Variants in ANKRD28 observed in about 807,000 individuals in gnomAD.
The protein encoded by ANKRD28 is serine/threonine-protein phosphatase 6 regulatory ankyrin repeat subunit A.
In ANKRD28, 44 loss-of-function variants were observed where a neutral mutation model predicts 126.5. The ratio of observed to expected loss-of-function variants is 0.35; its 90% CI spans 0.27 to 0.45. ANKRD28 has a LOEUF of 0.45. Ranked by LOEUF, ANKRD28 falls within the 20% of genes least tolerant of loss-of-function variation. The probability of loss-of-function intolerance (pLI) is 1.00; values close to 1 mark genes in which losing one functional copy is unlikely to be tolerated. For synonymous variants in ANKRD28, 442 were observed against 468.5 expected, an observed-to-expected ratio of 0.94 and a Z score of 0.73; for missense variants, 1,110 against 1,316.6, an observed-to-expected ratio of 0.84 and a Z score of 2.43.
chr3:15,701,047 A>C (rs1222854028), intron 14 of ANKRD28, among the ~76,000 whole-genome samples: 1 of 152,232 alleles, frequency 6.6e-6, no homozygotes, highest in African/African-American at 2.4e-5. Flanking sequence ...TTCTTTAATC[A>C]AATACTCCTT....
rs546198501 is a variant in ANKRD28 at position 15,711,219 on chromosome 3, T to G, written c.1329A>C (p.Ala443=). 1 of 1,612,166 alleles carries G rather than the reference T, an allele frequency of 6.2e-7. No homozygotes were observed. Among genetic ancestry groups the G allele is most frequent in the African/African-American group, 1.3e-5 (1 of 74,996 alleles). ...AAATACTATTAACATACCCTCCAGC[T>G]GCAGCTGCATGTAGACAAGTCCTGC... The part of the protein sequence containing the change: ...DFGRTCLHAA[A]AGGNLECLNL... The change falls in exon 12 of 28, where the codon GCA becomes GCC. Residue 443 remains alanine, a synonymous_variant. Transcript: ENST00000683139.
rs1293957319 is a variant in ANKRD28 at position 15,818,020 on chromosome 3, C to A, written c.28-22714G>T. On this transcript the variant is annotated intron_variant, in intron 1 of 27. Transcript: ENST00000399451. ...CCATTTATAATAATACCCCAAAACT[C>A]AAAAATACTAAGGTATAAATTCAAC... 2.0e-5 allele frequency among the ~76,000 whole-genome samples: 3 copies of A among 152,074 alleles called. No homozygotes were observed. The East Asian group carries it at 5.8e-4, about 29-fold the overall frequency.
At chr3:15,731,166 A>G (rs1031470420) in intron 6 of ANKRD28, among the ~76,000 whole-genome samples, 51 of 152,228 alleles carry the variant, frequency 3.4e-4, no homozygotes, top group African/African-American at 1.2e-3. Context: ...TTCAACCTCA[A>G]CTGAGATGCC....
At chr3:15,744,063 A>G (rs1326625471) in intron 4 of ANKRD28, among the ~76,000 whole-genome samples, 1 of 152,236 alleles carries the variant, frequency 6.6e-6, no homozygotes, top group Non-Finnish European at 1.5e-5. Flanking sequence ...TTTCTGTTAA[A>G]TGTAATAAGT....
chr3:15,823,458 T>C (rs933586999), intron 1 of ANKRD28, among the ~76,000 whole-genome samples: 1 of 152,226 alleles, frequency 6.6e-6, no homozygotes, highest in Non-Finnish European at 1.5e-5. Flanking sequence ...GCTTTGCTGA[T>C]GAAGTCTACC....
intron 1 of ANKRD28, among the ~76,000 whole-genome samples, chr3:15,855,368 C>A (rs933508452): frequency 6.6e-6 from 1 of 151,858 alleles, no homozygotes; most frequent in South Asian, 2.1e-4. Flanking sequence ...AAACCCAACA[C>A]CTTAAACATA....
At chr3:15,680,208 T>C (rs567585366) in intron 21 of ANKRD28, among the ~76,000 whole-genome samples, 3 of 148,204 alleles carry the variant, frequency 2.0e-5, no homozygotes, top group Admixed American at 2.0e-4. Context: ...ATATGAAATA[T>C]TATTATTATT....
At position 15,853,545 on chromosome 3, in the gene ANKRD28, C is replaced by T. The variant is rs1020350921; in HGVS notation, c.27+5832G>A. Among the ~76,000 whole-genome samples the T allele has an allele frequency of 6.6e-5, 10 of 152,136 alleles. No individual in the cohort carries two copies. The highest frequency in any genetic ancestry group is 1.3e-4 in the Non-Finnish European group (9 of 68,032). ...AGTGCAGTAGTACGATTCTGGCTCA[C>T]TGCAAGCTCCGCCTCCTGGGTTCAT... On this transcript the variant is annotated intron_variant, in intron 1 of 27. Coordinates refer to the ANKRD28 transcript ENST00000399451. This position sits in a 1 kb window ranked among gnomAD's most constrained non-coding sequence, Gnocchi z 4.2.
In ANKRD28 at chr3:15,827,184, C is replaced by T. The variant is rs1223744836; in HGVS notation, c.28-31878G>A. Among the ~76,000 whole-genome samples, 8 of 152,030 alleles carry T rather than the reference C, an allele frequency of 5.3e-5. No individual in the cohort carries two copies. The East Asian group carries it at 1.5e-3, about 29-fold the overall frequency. The stretch of plus-strand genomic sequence containing the variant: ...TGTTGGGGAGGAATGTAAATTAGTA[C>T]AGCCATTATGGAAAACAGTATGAAG... On this transcript the variant is annotated intron_variant, in intron 1 of 27. Coordinates refer to the ANKRD28 transcript ENST00000399451.
upstream of ANKRD28, among the ~76,000 whole-genome samples, chr3:15,802,866 T>C (rs2060491802): frequency 6.6e-6 from 1 of 152,190 alleles, no homozygotes. Flanking sequence ...CCAGTCTTTC[T>C]GCCAAGCTGA....
intron 1 of ANKRD28, among the ~76,000 whole-genome samples, chr3:15,850,568 T>C (rs866997235): frequency 6.6e-6 from 1 of 152,086 alleles, no homozygotes; most frequent in Non-Finnish European, 1.5e-5. Context: ...TGCCTCCATC[T>C]TTACATGGCC....
chr3:15,716,282 T>C lies in ANKRD28; in HGVS notation c.997-1626A>G, dbSNP rs933314837. ...CAGGCATGAGCCACCGCACCTGGAC[T>C]TTTTTTTTTTTTTTTTTTCCCTTAA... is the stretch of plus-strand genomic sequence containing the variant. On this transcript the variant is annotated intron_variant, in intron 8 of 27. Transcript: ENST00000683139. Among the ~76,000 whole-genome samples, 16 of 122,994 alleles carry C rather than the reference T, an allele frequency of 1.3e-4. No individual in the cohort carries two copies. The South Asian group carries it at 3.1e-3, about 24-fold the overall frequency. 80.7% of individuals were successfully genotyped at this position (122,994 alleles called of 152,430 possible). A position where few individuals can be genotyped will look rare whatever the true frequency, so the allele number is the denominator to read the frequency against.
At chr3:15,856,799 A>G (rs941199121) in intron 1 of ANKRD28, among the ~76,000 whole-genome samples, 1 of 152,270 alleles carries the variant, frequency 6.6e-6, no homozygotes, top group African/African-American at 2.4e-5. Context: ...TGCACAAAGA[A>G]AAACAACCCT....
In ANKRD28 at chr3:15,815,858, C is replaced by T. The variant is rs897182353; in HGVS notation, c.28-20552G>A. ...TTATTTTAGGTTCTACAGCATGTAA[C>T]AGATATGGTAATAGAATTAGTCTGC... On this transcript the variant is annotated intron_variant, in intron 1 of 27. Transcript: ENST00000399451. This position sits in a 1 kb window ranked among gnomAD's most constrained non-coding sequence, Gnocchi z 4.1. Among the ~76,000 whole-genome samples, 5 of 152,054 alleles carry T rather than the reference C, an allele frequency of 3.3e-5. No individual in the cohort carries two copies. The highest frequency in any genetic ancestry group is 6.5e-5 in the Admixed American group (1 of 15,272).
chr3:15,781,298 A>T (rs1336493299), intron 2 of ANKRD28: 1 of 152,100 alleles, frequency 6.6e-6, no homozygotes, highest in Non-Finnish European at 1.5e-5. Context: ...TTTCTGTAGA[A>T]ATCCATGAGG....
rs1308853042 is a variant in ANKRD28 at position 15,713,398 on chromosome 3, GA to G, written c.1190+128del. On this transcript the variant is annotated intron_variant, in intron 10 of 27. Coordinates refer to ENST00000683139, the MANE Select transcript of ANKRD28 (RefSeq NM_001349278.2). ...AACCTACCACTTTGTCAATACAAAAGAAAGTTCAAGCAATTAATACAACATT... is the reference window on the plus strand; with the variant it reads ...AACCTACCACTTTGTCAATACAAAAGAAGTTCAAGCAATTAATACAACATT... 4.1e-5 allele frequency: 27 copies of G among 664,974 alleles called. No individual in the cohort carries two copies. The Admixed American group carries it at 9.3e-4, about 23-fold the overall frequency. 41.2% of individuals were successfully genotyped at this position (664,974 alleles called of 1,614,324 possible).
rs1420672108 is a variant in ANKRD28 at position 15,803,721 on chromosome 3, G to A, written c.28-8415C>T. ...AAGATGATAATCAGAAACCTCCCAG[G>A]TTTTTGACTTAAGCAACCAGTGCTT... On this transcript the variant is annotated intron_variant, in intron 1 of 27. Coordinates refer to the ANKRD28 transcript ENST00000399451. 2.6e-5 allele frequency among the ~76,000 whole-genome samples: 3 copies of A among 115,704 alleles called. 1 individual carries two copies. The East Asian group carries it at 2.9e-3, about 113-fold the overall frequency. 75.9% of individuals were successfully genotyped at this position (115,704 alleles called of 152,430 possible).
chr3:15,801,337 A>G (rs759891679), upstream of ANKRD28, among the ~76,000 whole-genome samples: 1 of 152,114 alleles, frequency 6.6e-6, no homozygotes, highest in Non-Finnish European at 1.5e-5. The surrounding 1 kb of genome is among the most constrained non-coding windows in gnomAD (Gnocchi z 4.9). Flanking sequence ...TTTTTGACAC[A>G]AACGATTTTT....
rs2066053552 is a variant in ANKRD28, at chr3:15,667,693, AG to A, written c.*2576del. ...TTTCCCTTCATTGGGTGCAGACCAAAGGAAGTGGTTAAGCTGGGGGGCAGAC... is the reference window on the plus strand; with the variant it reads ...TTTCCCTTCATTGGGTGCAGACCAAAGAAGTGGTTAAGCTGGGGGGCAGAC... On this transcript the variant is annotated 3_prime_UTR_variant, in exon 28 of 28. Transcript: ENST00000683139. 1 of 152,006 alleles carries A rather than the reference AG, an allele frequency of 6.6e-6. No individual in the cohort carries two copies. The highest frequency in any genetic ancestry group is 6.5e-5 in the Admixed American group (1 of 15,300). 9.4% of individuals were successfully genotyped at this position (152,006 alleles called of 1,614,324 possible).
Sources: gnomAD v4.1 joint callset for allele counts (sites outside exome capture counted in the v4.1 genomes callset) on GRCh38, gnomAD v4.1.1 for gene constraint, Gnocchi (gnomAD v3.1) non-coding constraint, MANE v1.5 for transcripts, NCBI Gene and HGNC (gene_info 2026-07-23, HGNC 2026-07-21) for gene names.